Variants in NCOA1 observed in about 807,000 individuals in gnomAD.
The protein encoded by NCOA1 is nuclear receptor coactivator 1, also known as Hin-2 protein.
In NCOA1, 35 loss-of-function variants were observed where a neutral mutation model predicts 150.9. That is an observed-to-expected ratio of 0.23 (90% CI 0.18 to 0.31). NCOA1 has a LOEUF of 0.31. NCOA1 is among the 10% of genes least tolerant of loss of function. The probability of loss-of-function intolerance (pLI) is 1.00; values close to 1 mark genes in which losing one functional copy is unlikely to be tolerated. For missense variants in NCOA1, 1,491 were observed against 1,749.3 expected, an observed-to-expected ratio of 0.85 and a Z score of 2.63; for synonymous variants, 590 against 630.0, an observed-to-expected ratio of 0.94 and a Z score of 0.95.
chr2:24,652,534 G>A (rs11125735), intron 4 of NCOA1, among the ~76,000 whole-genome samples: 22,173 of 151,960 alleles, frequency 0.15, 1,978 homozygotes, highest in Non-Finnish European at 0.2. Context: ...CTAATTGGCA[G>A]GGACTTTTTA....
intron 5 of NCOA1, 139 bp from the exon 6 acceptor site, chr2:24,665,610 T>C (rs1474261401): frequency 1.4e-6 from 1 of 713,888 alleles, no homozygotes; most frequent in African/African-American, 1.9e-5. Context: ...TAGATGTGAA[T>C]TTATATCACT....
chr2:24,685,454 A>G (rs1672357575), intron 8 of NCOA1, among the ~76,000 whole-genome samples: 1 of 152,232 alleles, frequency 6.6e-6, no homozygotes, highest in Non-Finnish European at 1.5e-5. Flanking sequence ...GTTAGTGAAC[A>G]TAGACTTATT....
At chr2:24,584,366 TAA>T (rs1667315286) in intron 2 of NCOA1, 108 bp from the exon 3 acceptor site, 1 of 152,276 alleles carries the variant, frequency 6.6e-6, no homozygotes, top group African/African-American at 2.4e-5. Context: ...TTAAATATAT[TAA>T]GTTTATTTAC....
intron 1 of NCOA1, among the ~76,000 whole-genome samples, chr2:24,538,558 T>C (rs113397768): frequency 0.039 from 6,000 of 152,314 alleles, 166 homozygotes; most frequent in African/African-American, 0.082. Flanking sequence ...TTGGATGCGA[T>C]GTTCTCTTAA....
chr2:24,687,102 G>A (rs562274838), intron 8 of NCOA1, among the ~76,000 whole-genome samples: 57 of 151,710 alleles, frequency 3.8e-4, no homozygotes, highest in African/African-American at 1.4e-3. Context: ...ATTCCTAACC[G>A]TAATTCCTAC....
intron 1 of NCOA1, among the ~76,000 whole-genome samples, chr2:24,506,716 C>CTA (rs1417465293): frequency 1.3e-5 from 2 of 152,082 alleles, no homozygotes; most frequent in Non-Finnish European, 2.9e-5. Flanking sequence ...TTCACTCTAG[C>CTA]AAGTATGTAT....
intron 3 of NCOA1, among the ~76,000 whole-genome samples, chr2:24,623,913 T>C (rs71439140): frequency 2.6e-5 from 4 of 152,158 alleles, no homozygotes; most frequent in Non-Finnish European, 5.9e-5. Context: ...ACACTGGGGG[T>C]TAGAACTTCA....
rs760158976 is a variant in NCOA1, at chr2:24,758,171, C to T, written c.4065+15C>T. 5.6e-6 allele frequency: 9 copies of T among 1,596,992 alleles called. No individual in the cohort carries two copies. The highest frequency in any genetic ancestry group is 1.1e-5 in the South Asian group (1 of 89,288). The stretch of plus-strand genomic sequence containing the variant: ...GCCCTGAGCAGGTAAGTGGCACACT[C>T]GCCACACACATGCCACACCACATCA... On this transcript the variant is annotated intron_variant, in intron 21 of 22. Coordinates refer to ENST00000348332, the MANE Select transcript of NCOA1 (RefSeq NM_003743.5).
In NCOA1 at chr2:24,768,389, T is replaced by A; in HGVS notation, c.4324T>A (p.Ter1442LysextTer9). The A allele has an allele frequency of 6.2e-7, 1 of 1,603,310 alleles. No individual in the cohort carries two copies. The highest frequency in any genetic ancestry group is 8.5e-7 in the Non-Finnish European group (1 of 1,173,400). The change falls in exon 23 of 23, where the codon TAA (stop) becomes AAA (lysine). Residue 1442 changes from the stop codon to lysine, a stop_lost. Coordinates refer to ENST00000348332, the MANE Select transcript of NCOA1 (RefSeq NM_003743.5). Reference protein sequence around the residue: ...KSLLQQLLTE* With the variant: ...KSLLQQLLTEK The stretch of plus-strand genomic sequence containing the variant: ...CCTCCTTCAGCAGCTACTGACTGAA[T>A]AACCACTTTTAAAGGAATGTGAAAT...
intron 3 of NCOA1, among the ~76,000 whole-genome samples, chr2:24,641,647 A>C (rs892167130): frequency 6.6e-6 from 1 of 151,916 alleles, no homozygotes; most frequent in Admixed American, 6.6e-5. Context: ...AGGGCTCCCC[A>C]CCCCCCTTCA....
intron 3 of NCOA1, among the ~76,000 whole-genome samples, chr2:24,624,665 A>G (rs576812311): frequency 6.6e-6 from 1 of 152,312 alleles, no homozygotes; most frequent in South Asian, 2.1e-4. Context: ...TGGCAGATAC[A>G]ATTCCTTTCT....
At chr2:24,610,539 C>T (rs1166198569) in intron 3 of NCOA1, among the ~76,000 whole-genome samples, 1 of 151,980 alleles carries the variant, frequency 6.6e-6, no homozygotes, top group Non-Finnish European at 1.5e-5. Flanking sequence ...TGATGTTTTT[C>T]AATTCTAGTA....
intron 4 of NCOA1, among the ~76,000 whole-genome samples, chr2:24,645,729 G>A (rs1315138930): frequency 6.6e-6 from 1 of 152,148 alleles, no homozygotes; most frequent in African/African-American, 2.4e-5. Context: ...GCTCCCGTGA[G>A]CATTTCCTTT....
intron 3 of NCOA1, among the ~76,000 whole-genome samples, chr2:24,633,686 A>G (rs946569374): frequency 2.6e-5 from 4 of 152,228 alleles, no homozygotes; most frequent in East Asian, 1.9e-4. Context: ...AATTATATCA[A>G]TAGCATTGGG....
At chr2:24,673,049 A>G (rs1671754127) in intron 6 of NCOA1, among the ~76,000 whole-genome samples, 1 of 152,248 alleles carries the variant, frequency 6.6e-6, no homozygotes, top group Non-Finnish European at 1.5e-5. Flanking sequence ...CCCATTTCTC[A>G]AAACTTCTGG....
rs146175193 is a variant in NCOA1, at chr2:24,667,443, T to C, written c.256+1528T>C. Reference sequence around the variant, plus strand: ...TTTAATGTGAACAAAAAGCCAGGTATTGGGGGAAAGCCTGTAATATAAAAG... The same window carrying C: ...TTTAATGTGAACAAAAAGCCAGGTACTGGGGGAAAGCCTGTAATATAAAAG... On this transcript the variant is annotated intron_variant, in intron 6 of 22. Transcript: ENST00000348332. 2.0e-5 allele frequency among the ~76,000 whole-genome samples: 3 copies of C among 152,134 alleles called. No individual in the cohort carries two copies. In the East Asian group the frequency reaches 5.8e-4, roughly 29 times the overall value.
intron 1 of NCOA1, among the ~76,000 whole-genome samples, chr2:24,495,584 T>G (rs1663171581): frequency 6.6e-6 from 1 of 152,112 alleles, no homozygotes; most frequent in East Asian, 1.9e-4. Flanking sequence ...TAAAAATAGG[T>G]GCAAGCACGG....
At chr2:24,633,447 C>A (rs896039864) in intron 3 of NCOA1, among the ~76,000 whole-genome samples, 12 of 151,500 alleles carry the variant, frequency 7.9e-5, no homozygotes, top group African/African-American at 2.7e-4. Flanking sequence ...AAAGGGAAAA[C>A]AGAATAAATG....
intron 4 of NCOA1, among the ~76,000 whole-genome samples, chr2:24,653,859 T>A (rs1281225650): frequency 6.6e-6 from 1 of 152,178 alleles, no homozygotes; most frequent in Non-Finnish European, 1.5e-5. Context: ...TCTTTTGAAT[T>A]GGGCAAATTC....
Sources: gnomAD v4.1 joint callset for allele counts (sites outside exome capture counted in the v4.1 genomes callset) on GRCh38, gnomAD v4.1.1 for gene constraint, MANE v1.5 for transcripts, NCBI Gene and HGNC (gene_info 2026-07-23, HGNC 2026-07-21) for gene names.